The following DSCAM variants were observed in gnomAD, a reference collection of about 807,000 sequenced individuals.
The protein encoded by DSCAM is cell adhesion molecule DSCAM.
A neutral mutation model predicts 217.7 loss-of-function variants in DSCAM; 47 were observed. That is an observed-to-expected ratio of 0.22 (90% CI 0.17 to 0.28). DSCAM has a LOEUF of 0.28. DSCAM is among the 10% of genes least tolerant of loss of function. DSCAM has a pLI of 1.00. For synonymous variants in DSCAM, 1,056 were observed against 1,015.3 expected (o/e 1.04, Z -0.76); for missense variants, 2,080 against 2,618.3 (o/e 0.79, Z 4.49).
In DSCAM at chr21:40,474,661, C is replaced by T. The variant is rs148451485; in HGVS notation, c.509-105416G>A. 5.5e-3 allele frequency among the ~76,000 whole-genome samples: 832 copies of T among 152,260 alleles called. 5 individuals are homozygous for T. Among genetic ancestry groups the T allele is most frequent in the Non-Finnish European group, 9.6e-3 (650 of 68,012 alleles). On this transcript the variant is annotated intron_variant, in intron 3 of 32. Transcript: ENST00000400454. ...GCCTCACAAAGATCTAACATGTCAG[C>T]GAATTACCTCAGGTTTGCACATTAT...
chr21:40,298,421 A>T (rs917592146), intron 9 of DSCAM, among the ~76,000 whole-genome samples: 3 of 152,138 alleles, frequency 2.0e-5, no homozygotes, highest in African/African-American at 7.2e-5. Flanking sequence ...CTTGCAAATG[A>T]AATAAATAAT....
chr21:40,269,854 C>T (rs1479113899), intron 11 of DSCAM, among the ~76,000 whole-genome samples: 2 of 152,164 alleles, frequency 1.3e-5, no homozygotes, highest in African/African-American at 4.8e-5. Context: ...ACTAATTATA[C>T]CTGCAATGTG....
chr21:40,086,247 G>T (rs1211968711), intron 22 of DSCAM, among the ~76,000 whole-genome samples: 7 of 152,202 alleles, frequency 4.6e-5, no homozygotes, highest in African/African-American at 1.7e-4. Flanking sequence ...TCTCAAGAGG[G>T]TGATGAGTTT....
At chr21:40,257,888 C>T (rs930568810) in intron 11 of DSCAM, among the ~76,000 whole-genome samples, 2 of 152,154 alleles carry the variant, frequency 1.3e-5, no homozygotes, top group Non-Finnish European at 2.9e-5. Context: ...TTTATGGCTA[C>T]AGAAAGCCCC....
At chr21:40,714,128 C>T (rs758816750) in intron 1 of DSCAM, among the ~76,000 whole-genome samples, 5 of 152,172 alleles carry the variant, frequency 3.3e-5, no homozygotes, top group Admixed American at 6.5e-5. Flanking sequence ...AGAAAGCCTG[C>T]GGCCCTGGGC....
chr21:40,088,104 G>A (rs572086428), intron 21 of DSCAM, among the ~76,000 whole-genome samples: 3 of 152,168 alleles, frequency 2.0e-5, no homozygotes, highest in Non-Finnish European at 2.9e-5. Context: ...TTTCTGGGGT[G>A]TAAACAGGAG....
intron 3 of DSCAM, among the ~76,000 whole-genome samples, chr21:40,394,053 T>A (rs994742685): frequency 1.3e-5 from 2 of 152,220 alleles, no homozygotes; most frequent in Non-Finnish European, 2.9e-5. Flanking sequence ...AAATCTATAC[T>A]TTTTCTTAAA....
intron 3 of DSCAM, among the ~76,000 whole-genome samples, chr21:40,487,302 TGC>T (rs1311893025): frequency 0.013 from 1,234 of 97,020 alleles, 18 homozygotes; most frequent in African/African-American, 0.057. Flanking sequence ...CGTGTGTGCG[TGC>T]GTGTGTGTGT....
At chr21:40,741,670 T>G (rs989955592) in intron 1 of DSCAM, among the ~76,000 whole-genome samples, 1 of 152,218 alleles carries the variant, frequency 6.6e-6, no homozygotes, top group African/African-American at 2.4e-5. Context: ...GGCTGCACGG[T>G]AGATTCACCT....
intron 1 of DSCAM, among the ~76,000 whole-genome samples, chr21:40,753,078 C>T (rs938686057): frequency 6.6e-6 from 1 of 152,186 alleles, no homozygotes; most frequent in South Asian, 2.1e-4. Context: ...CTTCTAACAC[C>T]TCAATGCCAG....
rs537246563 is a variant in DSCAM, at chr21:40,760,952, T to C, written c.44-52181A>G. Reference sequence around the variant, plus strand: ...GTGACACTGGGGAGCCTGGAGCTGATGCACTTACTTATAATCACAACATTC... The same window carrying C: ...GTGACACTGGGGAGCCTGGAGCTGACGCACTTACTTATAATCACAACATTC... On this transcript the variant is annotated intron_variant, in intron 1 of 32. Coordinates refer to ENST00000400454, the MANE Select transcript of DSCAM (RefSeq NM_001389.5). 2.7e-3 allele frequency among the ~76,000 whole-genome samples: 408 copies of C among 152,338 alleles called. 2 individuals are homozygous for C. Among genetic ancestry groups the C allele is most frequent in the Admixed American group, 4.5e-3 (69 of 15,302 alleles).
intron 3 of DSCAM, among the ~76,000 whole-genome samples, chr21:40,606,261 G>A (rs1414638086): frequency 6.6e-6 from 1 of 152,172 alleles, no homozygotes; most frequent in Admixed American, 6.5e-5. Flanking sequence ...TCTCAGTGTT[G>A]GTGTTGGGGC....
At chr21:40,203,923 T>C (rs1365460202) in intron 11 of DSCAM, among the ~76,000 whole-genome samples, 1 of 152,190 alleles carries the variant, frequency 6.6e-6, no homozygotes, top group Non-Finnish European at 1.5e-5. Context: ...ATAAATAAAA[T>C]ATGTTTAAAA....
At chr21:40,341,502 T>C (rs1297412819) in intron 6 of DSCAM, among the ~76,000 whole-genome samples, 1 of 152,186 alleles carries the variant, frequency 6.6e-6, no homozygotes, top group Non-Finnish European at 1.5e-5. Context: ...TACAGCTTAG[T>C]TTTGCTAAAT....
chr21:40,573,881 T>C (rs914035405), intron 3 of DSCAM, among the ~76,000 whole-genome samples: 2 of 152,166 alleles, frequency 1.3e-5, no homozygotes, highest in Non-Finnish European at 2.9e-5. Flanking sequence ...CAGCCACTTA[T>C]ATAAAACAGA....
intron 3 of DSCAM, among the ~76,000 whole-genome samples, chr21:40,433,096 C>T (rs924594108): frequency 3.3e-5 from 5 of 152,010 alleles, no homozygotes; most frequent in African/African-American, 7.2e-5. Context: ...TGGTAGCTCA[C>T]GCCTGTAATC....
chr21:40,073,053 C>T (rs1381636090), intron 27 of DSCAM, among the ~76,000 whole-genome samples: 1 of 152,192 alleles, frequency 6.6e-6, no homozygotes, highest in African/African-American at 2.4e-5. Context: ...AATACAAATA[C>T]AGGGTGCATG....
intron 1 of DSCAM, among the ~76,000 whole-genome samples, chr21:40,802,503 T>C (rs555214038): frequency 6.6e-6 from 1 of 152,296 alleles, no homozygotes; most frequent in South Asian, 2.1e-4. Context: ...GCCTATGATA[T>C]CAATGTTTAC....
chr21:40,536,492 C>T (rs918594007), intron 3 of DSCAM, among the ~76,000 whole-genome samples: 1 of 151,540 alleles, frequency 6.6e-6, no homozygotes, highest in South Asian at 2.1e-4. Context: ...AGCTCCGCCT[C>T]CCGGGTTCAC....
Sources: gnomAD v4.1 joint callset for allele counts (sites outside exome capture counted in the v4.1 genomes callset) on GRCh38, gnomAD v4.1.1 for gene constraint, MANE v1.5 for transcripts, NCBI Gene and HGNC (gene_info 2026-07-23, HGNC 2026-07-21) for gene names.